The following C8orf34 variants were observed in gnomAD, a reference collection of about 807,000 sequenced individuals.
C8orf34 encodes uncharacterized protein C8orf34.
C8orf34 carries 65 observed loss-of-function variants against 68.3 expected under a neutral mutation model. The observed-to-expected ratio is 0.95, with a 90% confidence interval of 0.78 to 1.17. The LOEUF is 1.17. Ranked by LOEUF, C8orf34 falls within the 50% of genes most tolerant of loss-of-function variation. C8orf34 has a pLI of 0.00. For synonymous variants in C8orf34, 244 were observed against 241.2 expected, an observed-to-expected ratio of 1.01 and a Z score of -0.11; for missense variants, 664 against 655.4, an observed-to-expected ratio of 1.01 and a Z score of -0.14.
intron 7 of C8orf34, among the ~76,000 whole-genome samples, chr8:68,551,201 T>A (rs1816057993): frequency 6.6e-6 from 1 of 151,918 alleles, no homozygotes; most frequent in Non-Finnish European, 1.5e-5. Flanking sequence ...GTGATTTTTT[T>A]ATTTCTTTTT....
intron 7 of C8orf34, among the ~76,000 whole-genome samples, chr8:68,589,971 G>A (rs1045135884): frequency 2.0e-5 from 3 of 146,850 alleles, no homozygotes; most frequent in Non-Finnish European, 4.5e-5. Context: ...GAAAAAAGGA[G>A]GACATTTAGC....
chr8:68,772,122 G>T (rs1296968748), intron 10 of C8orf34, among the ~76,000 whole-genome samples: 1 of 152,116 alleles, frequency 6.6e-6, no homozygotes, highest in African/African-American at 2.4e-5. Flanking sequence ...TGCTCTGTAG[G>T]TTAGAATTAT....
chr8:68,359,254 T>G (rs949327506), intron 1 of C8orf34, among the ~76,000 whole-genome samples: 63 of 152,222 alleles, frequency 4.1e-4, no homozygotes, highest in African/African-American at 1.4e-3. Context: ...CTATTTTTTA[T>G]GTAACGTACT....
chr8:68,585,787 T>C (rs772574404), intron 7 of C8orf34, among the ~76,000 whole-genome samples: 3 of 152,060 alleles, frequency 2.0e-5, no homozygotes, highest in Non-Finnish European at 4.4e-5. Context: ...CCTCATGATA[T>C]GGCAGCTAAC....
intron 5 of C8orf34, among the ~76,000 whole-genome samples, chr8:68,518,849 G>A (rs1318694740): frequency 1.4e-5 from 2 of 142,304 alleles, no homozygotes; most frequent in African/African-American, 2.8e-5. Context: ...AGCCAAGATC[G>A]TGCCACTACA....
chr8:68,612,154 G>T (rs1415824527), intron 7 of C8orf34, among the ~76,000 whole-genome samples: 1 of 151,948 alleles, frequency 6.6e-6, no homozygotes, highest in Non-Finnish European at 1.5e-5. Context: ...ATCTGCAACT[G>T]CCTCCACCTC....
At chr8:68,601,510 T>A (rs4442130) in intron 7 of C8orf34, among the ~76,000 whole-genome samples, 1 of 151,848 alleles carries the variant, frequency 6.6e-6, no homozygotes, top group Non-Finnish European at 1.5e-5. Context: ...TACTGTTGAA[T>A]CCATCCTGTA....
At chr8:68,545,428 C>G (rs918482887) in intron 7 of C8orf34, among the ~76,000 whole-genome samples, 1 of 151,868 alleles carries the variant, frequency 6.6e-6, no homozygotes, top group East Asian at 1.9e-4. Context: ...TGAAAACAGA[C>G]TAATATACAT....
chr8:68,617,123 T>C (rs1476480158), intron 7 of C8orf34, among the ~76,000 whole-genome samples: 1 of 152,206 alleles, frequency 6.6e-6, no homozygotes, highest in African/African-American at 2.4e-5. Flanking sequence ...CTGCCTTTTT[T>C]TGTTTTCCAT....
intron 13 of C8orf34, among the ~76,000 whole-genome samples, chr8:68,816,490 C>T (rs1824823702): frequency 6.6e-6 from 1 of 152,132 alleles, no homozygotes; most frequent in Non-Finnish European, 1.5e-5. Flanking sequence ...GTCCTTACCA[C>T]TTATAGAATC....
chr8:68,739,335 A>G (rs996124263), intron 10 of C8orf34, among the ~76,000 whole-genome samples: 6 of 152,038 alleles, frequency 3.9e-5, no homozygotes, highest in Non-Finnish European at 8.8e-5. Flanking sequence ...AGCCAACGTC[A>G]TACCAAACGG....
intron 7 of C8orf34, among the ~76,000 whole-genome samples, chr8:68,629,216 T>C (rs1818620965): frequency 6.6e-6 from 1 of 152,182 alleles, no homozygotes; most frequent in Non-Finnish European, 1.5e-5. Context: ...ACTCCTTCAC[T>C]AGATCCAGAC....
At chr8:68,445,056 C>T (rs1052146904) in intron 2 of C8orf34, among the ~76,000 whole-genome samples, 1 of 152,116 alleles carries the variant, frequency 6.6e-6, no homozygotes, top group African/African-American at 2.4e-5. Flanking sequence ...CTGTCTTAAC[C>T]TTATCTATGG....
At chr8:68,566,891 G>C (rs1816607172) in intron 7 of C8orf34, among the ~76,000 whole-genome samples, 1 of 152,192 alleles carries the variant, frequency 6.6e-6, no homozygotes, top group Non-Finnish European at 1.5e-5. Context: ...AGATGATCAT[G>C]TGATTTTTGT....
intron 1 of C8orf34, among the ~76,000 whole-genome samples, chr8:68,377,269 A>G (rs960564583): frequency 1.3e-5 from 2 of 152,076 alleles, no homozygotes; most frequent in African/African-American, 4.8e-5. Context: ...GGTGGCATGC[A>G]CCTGTGGTGT....
chr8:68,423,291 C>A (rs1344857319), intron 1 of C8orf34, among the ~76,000 whole-genome samples: 2 of 152,024 alleles, frequency 1.3e-5, no homozygotes, highest in Non-Finnish European at 2.9e-5. Flanking sequence ...TGCCAGATAC[C>A]CTAAATCATC....
At chr8:68,661,587 A>T (rs1490852751) in intron 8 of C8orf34, among the ~76,000 whole-genome samples, 1 of 152,206 alleles carries the variant, frequency 6.6e-6, no homozygotes, top group Non-Finnish European at 1.5e-5. Context: ...CCCCCTTACC[A>T]GCTGAATACC....
chr8:68,635,522 C>G lies in C8orf34; in HGVS notation c.1106-4854C>G, dbSNP rs369729025. On this transcript the variant is annotated intron_variant, in intron 7 of 13. Transcript: ENST00000518698. ...CCAAAAGGTGATTGCTTCATTTAAA[C>G]AAACATTCTTCTTTTACATAATCAA... Among the ~76,000 whole-genome samples, 5 of 152,304 alleles carry G rather than the reference C, an allele frequency of 3.3e-5. No individual in the cohort carries two copies. In the East Asian group the frequency reaches 7.7e-4, roughly 24 times the overall value.
In C8orf34 at chr8:68,409,522, T is replaced by C. The variant is rs1386218511; in HGVS notation, c.328-29977T>C. On this transcript the variant is annotated intron_variant, in intron 1 of 13. Coordinates refer to ENST00000518698, the MANE Select transcript of C8orf34 (RefSeq NM_052958.4). ...TAAGGGTATAAAGAAAATATTTTTG[T>C]ACAGCTCTACAATCTGTTTCTAAGC... 1.3e-5 allele frequency among the ~76,000 whole-genome samples: 2 copies of C among 152,202 alleles called. 1 individual carries two copies.
Sources: allele counts gnomAD v4.1 joint callset (sites outside exome capture counted in the v4.1 genomes callset), GRCh38; gene constraint gnomAD v4.1.1; transcripts MANE v1.5; gene names NCBI Gene and HGNC (gene_info 2026-07-23, HGNC 2026-07-21).